USO1: variants seen among roughly 807,000 people sequenced by gnomAD.
The protein encoded by USO1 is general vesicular transport factor p115.
Under a neutral mutation model 124.5 loss-of-function variants are expected in USO1, and 57 were observed. The observed-to-expected ratio is 0.46, with a 90% CI of 0.37 to 0.57. USO1 has a LOEUF of 0.57. Among genes scored for constraint, USO1 ranks in the 20% least tolerant of loss-of-function variants. The pLI is 0.00. For missense variants in USO1, 900 were observed against 1,040.6 expected (o/e 0.86, Z 1.86); for synonymous variants, 369 against 362.8 (o/e 1.02, Z -0.19).
intron 1 of USO1, among the ~76,000 whole-genome samples, chr4:75,725,431 A>G (rs556555370): frequency 3.3e-5 from 5 of 152,214 alleles, no homozygotes; most frequent in African/African-American, 9.6e-5. Flanking sequence ...TGTCCCATCA[A>G]CTGGAAGAGC....
At chr4:75,809,744 A>G (rs893366693) in intron 21 of USO1, among the ~76,000 whole-genome samples, 2 of 152,184 alleles carry the variant, frequency 1.3e-5, no homozygotes, top group African/African-American at 4.8e-5. Flanking sequence ...CACTATGACC[A>G]TGAAGCTTCT....
intron 14 of USO1, 115 bp from the exon 15 acceptor site, chr4:75,800,236 C>CTATA: frequency 7.9e-7 from 1 of 1,271,998 alleles, no homozygotes; most frequent in South Asian, 1.7e-5. Context: ...CACACCTAGC[C>CTATA]TATATATGGA....
intron 3 of USO1, among the ~76,000 whole-genome samples, chr4:75,756,383 T>C (rs957885566): frequency 4.0e-5 from 6 of 151,362 alleles, no homozygotes; most frequent in Non-Finnish European, 8.8e-5. Context: ...ATTCTATGAG[T>C]GTTAAATCAC....
chr4:75,750,049 G>A (rs993457865), intron 1 of USO1, among the ~76,000 whole-genome samples: 8 of 152,040 alleles, frequency 5.3e-5, no homozygotes, highest in South Asian at 2.1e-4. Context: ...CACCACGCCC[G>A]GCCTAAACTA....
intron 1 of USO1, among the ~76,000 whole-genome samples, chr4:75,725,651 ATTAT>A (rs1240574231): frequency 2.6e-5 from 4 of 152,088 alleles, no homozygotes; most frequent in Admixed American, 6.5e-5. Context: ...CGCTGAAAAC[ATTAT>A]TTAATAGTTG....
At chr4:75,726,058 G>A (rs1234524161) in intron 1 of USO1, among the ~76,000 whole-genome samples, 1 of 152,170 alleles carries the variant, frequency 6.6e-6, no homozygotes, top group South Asian at 2.1e-4. Flanking sequence ...GAGGCCGGCG[G>A]ATCACCTGAG....
intron 3 of USO1, among the ~76,000 whole-genome samples, chr4:75,756,609 C>T (rs1413916955): frequency 2.7e-5 from 4 of 149,956 alleles, no homozygotes; most frequent in South Asian, 4.2e-4. Context: ...CAGGTTCAAG[C>T]GATTCTCCTG....
intron 23 of USO1, among the ~76,000 whole-genome samples, chr4:75,812,902 G>A (rs961431474): frequency 1.3e-5 from 2 of 152,062 alleles, no homozygotes; most frequent in Non-Finnish European, 2.9e-5. Flanking sequence ...CCTGAGGTCA[G>A]GGGTTCGAGA....
At chr4:75,742,727 T>G (rs1375739813) in intron 1 of USO1, among the ~76,000 whole-genome samples, 1 of 152,234 alleles carries the variant, frequency 6.6e-6, no homozygotes, top group Non-Finnish European at 1.5e-5. Flanking sequence ...TGTAACTCCC[T>G]CTTTTGATCA....
rs112101233 is a variant in USO1, at chr4:75,776,072, G to A, written c.676+1276G>A. Among the ~76,000 whole-genome samples the A allele has an allele frequency of 7.2e-5, 11 of 152,236 alleles. 1 individual carries two copies. Among genetic ancestry groups the A allele is most frequent in the African/African-American group, 2.6e-4 (11 of 41,542 alleles). On this transcript the variant is annotated intron_variant, in intron 8 of 23. Coordinates refer to ENST00000514213, the MANE Select transcript of USO1 (RefSeq NM_003715.4). Reference sequence around the variant, plus strand: ...GCAAGATGCCAATGATGTTTTCCGTGGACAAAGGATAGTGACTATGAATTT... The same window carrying A: ...GCAAGATGCCAATGATGTTTTCCGTAGACAAAGGATAGTGACTATGAATTT...
chr4:75,755,817 T>C (rs1184376860), intron 3 of USO1, among the ~76,000 whole-genome samples: 1 of 152,148 alleles, frequency 6.6e-6, no homozygotes, highest in Admixed American at 6.5e-5. Context: ...TTTCCAGATA[T>C]GCTTAAGTTA....
At chr4:75,759,509 G>C (rs1366790866) in intron 4 of USO1, among the ~76,000 whole-genome samples, 2 of 151,244 alleles carry the variant, frequency 1.3e-5, no homozygotes, top group Non-Finnish European at 2.9e-5. Flanking sequence ...CAGGAGAACT[G>C]CTTGAACCCA....
At chr4:75,806,252 A>G (rs1722993579) in intron 19 of USO1, among the ~76,000 whole-genome samples, 1 of 152,166 alleles carries the variant, frequency 6.6e-6, no homozygotes, top group South Asian at 2.1e-4. Context: ...TTGGCCTCCC[A>G]AGGATTACAG....
At chr4:75,802,011 G>A (rs186432883) in intron 17 of USO1, among the ~76,000 whole-genome samples, 146 of 152,248 alleles carry the variant, frequency 9.6e-4, no homozygotes, top group African/African-American at 3.3e-3. Flanking sequence ...TAGAGATGAG[G>A]TTTCACCATG....
intron 1 of USO1, among the ~76,000 whole-genome samples, chr4:75,726,072 G>A (rs1317438243): frequency 6.6e-6 from 1 of 152,014 alleles, no homozygotes; most frequent in Non-Finnish European, 1.5e-5. Context: ...ACCTGAGGTC[G>A]GGAGTTCGAG....
intron 17 of USO1, among the ~76,000 whole-genome samples, chr4:75,802,736 CTTT>C (rs997798305): frequency 4.7e-4 from 30 of 63,742 alleles, no homozygotes; most frequent in East Asian, 1.4e-3. Flanking sequence ...TTTTTCTTTT[CTTT>C]TTTTTTTTTT....
intron 1 of USO1, among the ~76,000 whole-genome samples, chr4:75,729,059 G>A (rs1720551333): frequency 6.6e-6 from 1 of 152,190 alleles, no homozygotes; most frequent in Admixed American, 6.5e-5. Flanking sequence ...GCCTCCCAAA[G>A]TGCTGGAATT....
intron 4 of USO1, 103 bp downstream of exon 4, chr4:75,757,676 G>GT (rs1404285023): frequency 3.6e-6 from 4 of 1,121,016 alleles, no homozygotes; most frequent in Middle Eastern, 2.7e-4. Context: ...AAATGTATAA[G>GT]TTTTTTTACT....
chr4:75,759,910 T>TAA (rs756261195), intron 4 of USO1, among the ~76,000 whole-genome samples: 6 of 116,490 alleles, frequency 5.2e-5, no homozygotes, highest in Admixed American at 9.0e-5. Context: ...GACTCTGTCT[T>TAA]AAAAAAAAAA....
Sources: allele counts gnomAD v4.1 joint callset (sites outside exome capture counted in the v4.1 genomes callset), GRCh38; gene constraint gnomAD v4.1.1; transcripts MANE v1.5; gene names NCBI Gene and HGNC (gene_info 2026-07-23, HGNC 2026-07-21).